ZNF573: variants seen among roughly 807,000 people sequenced by gnomAD.
ZNF573 encodes zinc finger protein 573.
A neutral mutation model predicts 57.4 loss-of-function variants in ZNF573; 41 were observed. That is an observed-to-expected ratio of 0.71 (90% confidence interval 0.56 to 0.93). The LOEUF is 0.93. ZNF573 is among the 40% of genes least tolerant of loss of function. The pLI is 0.00. For synonymous variants in ZNF573, 249 were observed against 261.0 expected (o/e 0.95, Z 0.44); for missense variants, 730 against 794.8 (o/e 0.92, Z 0.98).
At chr19:37,740,355 C>T (rs767441073) in intron 4 of ZNF573, 161 bp from the exon 5 acceptor site, 15 of 640,858 alleles carry the variant, frequency 2.3e-5, no homozygotes, top group Middle Eastern at 4.3e-4. Context: ...AGTTCAGAGA[C>T]GTATGAGAGT....
chr19:37,757,249 T>C (rs2045497259), intron 4 of ZNF573, among the ~76,000 whole-genome samples: 1 of 151,998 alleles, frequency 6.6e-6, no homozygotes, highest in Non-Finnish European at 1.5e-5. Flanking sequence ...CAGGCTAGAG[T>C]ACAGTCGCAT....
At chr19:37,750,807 A>G (rs2045426884) in intron 4 of ZNF573, among the ~76,000 whole-genome samples, 2 of 150,094 alleles carry the variant, frequency 1.3e-5, no homozygotes, top group East Asian at 3.9e-4. Context: ...CTCCAACCCC[A>G]GATGACAGAG....
chr19:37,739,734 C>G lies in ZNF573; in HGVS notation c.756G>C (p.Gly252=). 6.2e-7 allele frequency: 1 copy of G among 1,613,896 alleles called. No individual in the cohort carries two copies. The highest frequency in any genetic ancestry group is 8.5e-7 in the Non-Finnish European group (1 of 1,179,890). ...GATGTCCACCTTGACTAAAGGCCCTCCCACACTCCTGACATTCATACGGCT... is the reference window on the plus strand; with the variant it reads ...GATGTCCACCTTGACTAAAGGCCCTGCCACACTCCTGACATTCATACGGCT... ...GGKPYECQEC[G]RAFSQGGHLR... Residue 252 remains glycine, a synonymous_variant, in exon 5 of 5, where the codon GGG becomes GGC. Coordinates refer to ENST00000536220, the MANE Select transcript of ZNF573 (RefSeq NM_001172690.2).
At chr19:37,773,103 G>A (rs896806612) in intron 2 of ZNF573, 3 of 437,922 alleles carry the variant, frequency 6.9e-6, no homozygotes, top group African/African-American at 6.4e-5. Context: ...ATAAAAAAAT[G>A]TCACCCAAGT....
chr19:37,742,078 G>A (rs1010100894), intron 4 of ZNF573, among the ~76,000 whole-genome samples: 4 of 152,062 alleles, frequency 2.6e-5, no homozygotes, highest in South Asian at 2.1e-4. Context: ...ATTCATAATC[G>A]CTACAAAGAG....
At chr19:37,778,045 A>AAAAG (rs71177476) in intron 1 of ZNF573, among the ~76,000 whole-genome samples, 11 of 138,134 alleles carry the variant, frequency 8.0e-5, no homozygotes, top group Non-Finnish European at 1.4e-4. Context: ...AAAAAAAAAA[A>AAAAG]GTAATATTTA....
chr19:37,752,785 C>A (rs1180509690), intron 4 of ZNF573, among the ~76,000 whole-genome samples: 1 of 152,116 alleles, frequency 6.6e-6, no homozygotes, highest in Non-Finnish European at 1.5e-5. Context: ...CAGGCACATG[C>A]CACCGTGCCT....
chr19:37,744,190 T>A (rs967651995), intron 4 of ZNF573, among the ~76,000 whole-genome samples: 15 of 151,740 alleles, frequency 9.9e-5, no homozygotes, highest in Admixed American at 2.0e-4. Flanking sequence ...TTTATAACTC[T>A]CATCATGAGG....
chr19:37,769,227 C>G (rs1167022129), intron 4 of ZNF573, among the ~76,000 whole-genome samples: 1 of 151,224 alleles, frequency 6.6e-6, no homozygotes, highest in African/African-American at 2.4e-5. Flanking sequence ...CTTGGCCTCT[C>G]AAAGTGTTGG....
At position 37,770,281 on chromosome 19, in the gene ZNF573, TAGG is replaced by T. The variant is rs140912721; in HGVS notation, c.203-187_203-185del. 5.1e-3 allele frequency: 2,559 copies of T among 502,636 alleles called. 46 individuals carry two copies. The highest frequency in any genetic ancestry group is 0.045 in the African/African-American group (2,249 of 49,742). The allele number at this position is 502,636 out of a possible 1,614,324, so 31.1% of individuals were successfully genotyped here. On this transcript the variant is annotated intron_variant, in intron 3 of 4. Coordinates refer to ENST00000536220, the MANE Select transcript of ZNF573 (RefSeq NM_001172690.2). ...GTAAACTCATACACGCGTGGTCTCT[TAGG>T]AGAAAGTTTAACCTGTGACCTTATA...
intron 4 of ZNF573, among the ~76,000 whole-genome samples, chr19:37,760,075 G>C (rs934813965): frequency 3.3e-5 from 5 of 152,214 alleles, no homozygotes; most frequent in African/African-American, 1.2e-4. Context: ...AGCTTCAAAA[G>C]AACAGGAAAA....
At chr19:37,759,762 A>G (rs1301702237) in intron 4 of ZNF573, among the ~76,000 whole-genome samples, 2 of 152,134 alleles carry the variant, frequency 1.3e-5, no homozygotes, top group African/African-American at 2.4e-5. Flanking sequence ...AATAAAAATG[A>G]AAATAAAAAT....
intron 1 of ZNF573, among the ~76,000 whole-genome samples, chr19:37,774,538 G>A (rs1953765828): frequency 6.6e-6 from 1 of 152,208 alleles, no homozygotes; most frequent in African/African-American, 2.4e-5. Flanking sequence ...GCCTGGTTCT[G>A]TGTTGAGCAC....
intron 4 of ZNF573, among the ~76,000 whole-genome samples, chr19:37,765,418 T>C (rs190686980): frequency 6.6e-6 from 1 of 152,040 alleles, no homozygotes; most frequent in Admixed American, 6.5e-5. Context: ...GGCAATAAAA[T>C]AACCGTCTAA....
Position 37,772,274 on chromosome 19 carries a change from C to G in ZNF573, c.70-578G>C, listed in dbSNP as rs867689276. ...TCAGCCTTTCAAGTAGTTGGTACTA[C>G]AGGTGTGCAGGACCTGCCCAGCTAA... On this transcript the variant is annotated intron_variant, in intron 2 of 4. Transcript: ENST00000536220. 2.5e-4 allele frequency among the ~76,000 whole-genome samples: 38 copies of G among 152,102 alleles called. 1 individual carries two copies. Among genetic ancestry groups the G allele is most frequent in the Middle Eastern group, 6.8e-3 (2 of 294 alleles).
chr19:37,740,543 C>T (rs2045317810), intron 4 of ZNF573: 5 of 458,418 alleles, frequency 1.1e-5, no homozygotes, highest in Non-Finnish European at 2.2e-5. Flanking sequence ...GATTTAGATG[C>T]AGGTCAGTGT....
intron 4 of ZNF573, among the ~76,000 whole-genome samples, chr19:37,744,562 A>G (rs573398510): frequency 2.0e-5 from 3 of 151,108 alleles, no homozygotes; most frequent in African/African-American, 7.3e-5. Context: ...ACACAATAAG[A>G]CCTCTTCTTT....
At chr19:37,756,834 A>C (rs898930664) in intron 4 of ZNF573, among the ~76,000 whole-genome samples, 8 of 151,952 alleles carry the variant, frequency 5.3e-5, no homozygotes, top group African/African-American at 1.9e-4. Flanking sequence ...AAAATAATAA[A>C]ATGCTACTAT....
intron 4 of ZNF573, among the ~76,000 whole-genome samples, chr19:37,765,476 C>T (rs1341487940): frequency 6.6e-6 from 1 of 151,862 alleles, no homozygotes; most frequent in African/African-American, 2.4e-5. Context: ...TTTGGGAGGC[C>T]GAGGCAGGCG....
Sources: gnomAD v4.1 joint callset for allele counts (sites outside exome capture counted in the v4.1 genomes callset) on GRCh38, gnomAD v4.1.1 for gene constraint, MANE v1.5 for transcripts, NCBI Gene and HGNC (gene_info 2026-07-23, HGNC 2026-07-21) for gene names.